Variants in RMDN1 observed in about 807,000 individuals in gnomAD.
RMDN1 encodes the protein regulator of microtubule dynamics protein 1.
In RMDN1, 48 loss-of-function variants were observed where a neutral mutation model predicts 48.9. That is an observed-to-expected ratio of 0.98 (90% CI 0.78 to 1.25). The LOEUF is 1.25. Among genes scored for constraint, RMDN1 ranks in the 50% most tolerant of loss-of-function variants. The pLI is 0.00. For synonymous variants in RMDN1, 148 were observed against 132.6 expected, an observed-to-expected ratio of 1.12 and a Z score of -0.80; for missense variants, 418 against 373.4, an observed-to-expected ratio of 1.12 and a Z score of -0.98.
In RMDN1 at chr8:86,474,333, A is replaced by C. The variant is rs761236348; in HGVS notation, c.920T>G (p.Leu307Arg). Residue 307 changes from leucine (L) to arginine (R), a missense_variant, in exon 10 of 10, where the codon CTT (leucine) becomes CGT (arginine). Physicochemically the swap from Leu to Arg is moderately radical, Grantham distance 102. Transcript: ENST00000406452. ...KQIQTEAAQL[L>R]TSFSEKN The stretch of plus-strand genomic sequence containing the variant: ...TCAATTCTTCTCACTGAAACTTGTA[A>C]GCAACTGAGCAGCTTCTGTCTGTAT... 1 of 1,613,534 alleles carries C rather than the reference A, an allele frequency of 6.2e-7. No homozygotes were observed. The highest frequency in any genetic ancestry group is 2.2e-5 in the East Asian group (1 of 44,806).
chr8:86,471,098 T>TA (rs1440582812), downstream of RMDN1, among the ~76,000 whole-genome samples: 2 of 151,836 alleles, frequency 1.3e-5, no homozygotes, highest in Admixed American at 1.3e-4. Flanking sequence ...TACTACAGGT[T>TA]ATATGAGATG....
chr8:86,471,821 C>T (rs2130306942), downstream of RMDN1, among the ~76,000 whole-genome samples: 1 of 152,260 alleles, frequency 6.6e-6, no homozygotes, highest in East Asian at 1.9e-4. Context: ...GTCAATTAGA[C>T]CAATCTGGAA....
rs536175411 is a variant in RMDN1, at chr8:86,486,002, A to G, written c.495+482T>C. On this transcript the variant is annotated intron_variant, in intron 4 of 9. Transcript: ENST00000406452. ...CGTCTCCCCGTACGATTTACTGAAA[A>G]ACGTTGTTGTGAACCAACAAGAAAT... 1.1e-4 allele frequency among the ~76,000 whole-genome samples: 16 copies of G among 152,304 alleles called. No homozygotes were observed. In the South Asian group the frequency reaches 2.9e-3, roughly 28 times the overall value.
rs1437373564 is a variant in RMDN1 at position 86,507,080 on chromosome 8, G to T, written c.162C>A (p.Gly54=). Residue 54 remains glycine, a synonymous_variant, in exon 2 of 10, where the codon GGC becomes GGA. Coordinates refer to ENST00000406452, the MANE Select transcript of RMDN1 (RefSeq NM_016033.3). ...VMGNPGTFKR[G]LLLSALSYLG... is the part of the protein sequence containing the mutation. Reference sequence around the variant, plus strand: ...AATACGACAAAGCTGAGAGTAAAAGGCCTCTTTTGAAAGTTCCTGGGTTTC... The same window carrying T: ...AATACGACAAAGCTGAGAGTAAAAGTCCTCTTTTGAAAGTTCCTGGGTTTC... 5.6e-6 allele frequency: 9 copies of T among 1,611,616 alleles called. No individual in the cohort carries two copies. The highest frequency in any genetic ancestry group is 7.6e-6 in the Non-Finnish European group (9 of 1,177,936).
chr8:86,509,924 C>T (rs1337024318), upstream of RMDN1, among the ~76,000 whole-genome samples: 3 of 152,140 alleles, frequency 2.0e-5, no homozygotes, highest in Admixed American at 6.5e-5. Context: ...TGCATTTCTA[C>T]TGGCAGCTAC....
intron 2 of RMDN1, 133 bp downstream of exon 2, chr8:86,506,862 G>A (rs1563666191): frequency 1.2e-5 from 7 of 580,390 alleles, no homozygotes; most frequent in Non-Finnish European, 2.2e-5. Flanking sequence ...ATTTCTCACT[G>A]AGCAGATTGT....
upstream of RMDN1, among the ~76,000 whole-genome samples, chr8:86,509,961 C>T (rs1215752208): frequency 1.3e-5 from 2 of 152,078 alleles, no homozygotes; most frequent in Non-Finnish European, 2.9e-5. Context: ...AATGTTTATG[C>T]CACTGGATAC....
intron 2 of RMDN1, among the ~76,000 whole-genome samples, chr8:86,501,135 C>T (rs1818147237): frequency 1.3e-5 from 2 of 151,944 alleles, no homozygotes; most frequent in Middle Eastern, 3.4e-3. Context: ...ACTTGTACAC[C>T]GAATTCCAGC....
At chr8:86,514,344 C>T (rs551827004), upstream of RMDN1, 288 of 810,962 alleles carry the variant, frequency 3.6e-4, 1 homozygote, top group African/African-American at 5.0e-3. Flanking sequence ...GAGTCAGCTC[C>T]CTGCGGATGG....
intron 7 of RMDN1, chr8:86,478,717 A>G (rs183600502): frequency 6.2e-4 from 330 of 533,314 alleles, no homozygotes; most frequent in African/African-American, 5.7e-3. Flanking sequence ...TTCCAGAATT[A>G]CCAGCCACTC....
At chr8:86,508,754 C>A (rs78296862), upstream of RMDN1, 854 of 809,900 alleles carry the variant, frequency 1.1e-3, 1 homozygote, top group Middle Eastern at 2.5e-3. Flanking sequence ...CGCCTCCTGC[C>A]CAGCACCTCT....
At chr8:86,505,735 A>C (rs1563663850) in intron 2 of RMDN1, among the ~76,000 whole-genome samples, 1 of 152,202 alleles carries the variant, frequency 6.6e-6, no homozygotes, top group Non-Finnish European at 1.5e-5. Context: ...ATACAGTAGA[A>C]GATTTCATGC....
downstream of RMDN1, among the ~76,000 whole-genome samples, chr8:86,469,482 G>C (rs1305443676): frequency 6.6e-6 from 1 of 152,128 alleles, no homozygotes; most frequent in Non-Finnish European, 1.5e-5. Flanking sequence ...GCTGTCACCT[G>C]GGGAGATACC....
chr8:86,474,025 G>A lies in RMDN1; in HGVS notation c.*283C>T. 1 of 1,126,820 alleles carries A rather than the reference G, an allele frequency of 8.9e-7. No homozygotes were observed. The highest frequency in any genetic ancestry group is 5.6e-5 in the East Asian group (1 of 17,880). 69.8% of individuals were successfully genotyped at this position (1,126,820 alleles called of 1,614,324 possible). A position where few individuals can be genotyped will look rare whatever the true frequency, so the allele number is the denominator to read the frequency against. ...TCTTTGCTTGATCTCCCATCCCAATGTGATCAATCCTTAGAAATCTCATAC... is the reference window on the plus strand; with the variant it reads ...TCTTTGCTTGATCTCCCATCCCAATATGATCAATCCTTAGAAATCTCATAC... On this transcript the variant is annotated 3_prime_UTR_variant, in exon 10 of 10. Coordinates refer to ENST00000406452, the MANE Select transcript of RMDN1 (RefSeq NM_016033.3).
At chr8:86,478,871 T>C in intron 7 of RMDN1, 52 bp downstream of exon 7, 2 of 1,390,914 alleles carry the variant, frequency 1.4e-6, no homozygotes, top group South Asian at 2.3e-5. Flanking sequence ...CATGGTAGAA[T>C]GGCGCTGTGG....
At chr8:86,500,868 A>T (rs924077291) in intron 2 of RMDN1, among the ~76,000 whole-genome samples, 11 of 152,198 alleles carry the variant, frequency 7.2e-5, no homozygotes, top group Non-Finnish European at 1.0e-4. Context: ...AGCCATTTTT[A>T]AAAAAACCCA....
chr8:86,470,031 A>T, downstream of RMDN1: 3 of 408,104 alleles, frequency 7.4e-6, no homozygotes, highest in African/African-American at 2.2e-5. Flanking sequence ...GCCCATGATT[A>T]AAAACTCAGT....
chr8:86,495,358 A>G (rs966238404), intron 2 of RMDN1, among the ~76,000 whole-genome samples: 1 of 152,090 alleles, frequency 6.6e-6, no homozygotes, highest in East Asian at 1.9e-4. Context: ...CCCCTCCAAG[A>G]CATTTGAAAT....
At chr8:86,482,756 T>G in intron 5 of RMDN1, 1 of 935,246 alleles carries the variant, frequency 1.1e-6, no homozygotes, top group Non-Finnish European at 1.8e-6. Flanking sequence ...CCATAACCTG[T>G]GTGCAACAGG....
Sources: gnomAD v4.1 joint callset for allele counts (sites outside exome capture counted in the v4.1 genomes callset) on GRCh38, gnomAD v4.1.1 for gene constraint, MANE v1.5 for transcripts, NCBI Gene and HGNC (gene_info 2026-07-23, HGNC 2026-07-21) for gene names.